SLC22A2: variants seen among roughly 807,000 people sequenced by gnomAD.
SLC22A2 encodes organic cation transporter 2.
Under a neutral mutation model 60.5 loss-of-function variants are expected in SLC22A2, and 46 were observed. That is an observed-to-expected ratio of 0.76 (90% CI 0.60 to 0.97). SLC22A2 has a LOEUF of 0.97. Ranked by LOEUF, SLC22A2 falls within the 50% of genes least tolerant of loss-of-function variation. SLC22A2 has a pLI of 0.00. For synonymous variants in SLC22A2, 303 were observed against 267.0 expected (o/e 1.13, Z -1.31); for missense variants, 701 against 706.6 (o/e 0.99, Z 0.09).
chr6:160,240,740 G>C (rs771069444), intron 9 of SLC22A2, among the ~76,000 whole-genome samples: 5 of 151,970 alleles, frequency 3.3e-5, no homozygotes, highest in Non-Finnish European at 7.4e-5. Flanking sequence ...CCCCTAAATT[G>C]AGTGCTATAT....
chr6:160,253,065 G>A (rs1298363272), intron 2 of SLC22A2, among the ~76,000 whole-genome samples: 1 of 152,168 alleles, frequency 6.6e-6, no homozygotes, highest in African/African-American at 2.4e-5. Context: ...CTTAGCCTGG[G>A]AGGGTTCTTG....
chr6:160,238,398 C>T (rs1782945802), intron 9 of SLC22A2, among the ~76,000 whole-genome samples: 1 of 152,226 alleles, frequency 6.6e-6, no homozygotes, highest in African/African-American at 2.4e-5. Flanking sequence ...GAAACACATT[C>T]AGCTGGCATC....
chr6:160,251,462 A>G (rs959363472), intron 2 of SLC22A2, among the ~76,000 whole-genome samples: 1 of 152,102 alleles, frequency 6.6e-6, no homozygotes, highest in African/African-American at 2.4e-5. Context: ...TGAAAAGAGG[A>G]TTAAGTGAGA....
intron 7 of SLC22A2, among the ~76,000 whole-genome samples, chr6:160,243,329 G>T (rs776961829): frequency 6.6e-6 from 1 of 151,986 alleles, no homozygotes; most frequent in Non-Finnish European, 1.5e-5. Flanking sequence ...CATCTTGATG[G>T]CCTGTAGCAT....
Position 160,249,320 on chromosome 6 carries a change from T to G in SLC22A2, c.738A>C (p.Thr246=), listed in dbSNP as rs982840660. The change falls in exon 4 of 11, where the codon ACA becomes ACC. Residue 246 remains threonine (T), a synonymous_variant. Coordinates refer to ENST00000366953, the MANE Select transcript of SLC22A2 (RefSeq NM_003058.4). ...TVGIFYQVAY[T]VGLLVLAGVA... is the part of the protein sequence containing the mutation. ...CCCCAGCTAGCACCAGGAGCCCAACTGTATAGGCAACTTGGTAAAAAATCC... is the reference window on the plus strand; with the variant it reads ...CCCCAGCTAGCACCAGGAGCCCAACGGTATAGGCAACTTGGTAAAAAATCC... 11 of 1,613,428 alleles carry G rather than the reference T, an allele frequency of 6.8e-6. No homozygotes were observed. The highest frequency in any genetic ancestry group is 9.3e-6 in the Non-Finnish European group (11 of 1,179,654).
intron 5 of SLC22A2, among the ~76,000 whole-genome samples, chr6:160,246,026 C>CA (rs1349909289): frequency 1.4e-5 from 2 of 139,146 alleles, no homozygotes; most frequent in Non-Finnish European, 3.3e-5. Context: ...CGCCACCATG[C>CA]CCAGCTAATT....
intron 2 of SLC22A2, among the ~76,000 whole-genome samples, chr6:160,252,885 G>A (rs1331686437): frequency 1.3e-5 from 2 of 152,232 alleles, no homozygotes; most frequent in Non-Finnish European, 2.9e-5. Context: ...AGGCTCTCGT[G>A]ATCCTAAATG....
rs765986378 is a variant in SLC22A2, at chr6:160,217,321, C to G, written c.*111G>C. On this transcript the variant is annotated 3_prime_UTR_variant, in exon 11 of 11. Coordinates refer to ENST00000366953, the MANE Select transcript of SLC22A2 (RefSeq NM_003058.4). Reference sequence around the variant, plus strand: ...GCTGTAGACCTAGGTTGATAGGGCTCAGGGGTAAGTTTGGTTGAGTTGTAT... The same window carrying G: ...GCTGTAGACCTAGGTTGATAGGGCTGAGGGGTAAGTTTGGTTGAGTTGTAT... 1 of 649,234 alleles carries G rather than the reference C, an allele frequency of 1.5e-6. No individual in the cohort carries two copies. Among genetic ancestry groups the G allele is most frequent in the Non-Finnish European group, 2.7e-6 (1 of 370,870 alleles). The allele number at this position is 649,234 out of a possible 1,614,324, so 40.2% of individuals were successfully genotyped here.
intron 8 of SLC22A2, 140 bp from the exon 9 acceptor site, chr6:160,241,726 C>G (rs570928889): frequency 1.7e-4 from 83 of 498,672 alleles, no homozygotes; most frequent in African/African-American, 1.5e-3. Flanking sequence ...GACGGGTGCA[C>G]CAAAATCTCA....
chr6:160,222,343 T>A (rs1490494597), intron 10 of SLC22A2, among the ~76,000 whole-genome samples: 1 of 152,172 alleles, frequency 6.6e-6, no homozygotes, highest in African/African-American at 2.4e-5. Flanking sequence ...CTTTGAGGCA[T>A]TAAGGCAATA....
intron 2 of SLC22A2, among the ~76,000 whole-genome samples, chr6:160,252,113 C>A (rs1562438657): frequency 2.0e-5 from 3 of 152,158 alleles, no homozygotes; most frequent in African/African-American, 7.2e-5. Context: ...CAGTCAATGG[C>A]TCCCTGCTGT....
At chr6:160,256,775 G>A in intron 1 of SLC22A2, 58 bp from the exon 2 acceptor site, 1 of 1,160,894 alleles carries the variant, frequency 8.6e-7, no homozygotes, top group South Asian at 1.2e-5. Context: ...AATCCTGTTA[G>A]AATCCTGTTG....
chr6:160,247,383 G>T, intron 4 of SLC22A2, 85 bp from the exon 5 acceptor site: 1 of 765,906 alleles, frequency 1.3e-6, no homozygotes, highest in Non-Finnish European at 2.3e-6. Context: ...ATTTCTCTGA[G>T]GATGTTAATA....
At chr6:160,227,334 G>C (rs573876519) in intron 9 of SLC22A2, among the ~76,000 whole-genome samples, 3 of 152,102 alleles carry the variant, frequency 2.0e-5, no homozygotes, top group Middle Eastern at 3.2e-3. Flanking sequence ...TATTGATTCC[G>C]GACCTTCAGA....
chr6:160,217,717 A>C (rs1484683977), intron 10 of SLC22A2, among the ~76,000 whole-genome samples: 3 of 152,136 alleles, frequency 2.0e-5, no homozygotes, highest in Non-Finnish European at 4.4e-5. Context: ...TATCTTGTTG[A>C]ATTGGTACTG....
At chr6:160,237,529 C>T (rs1456968416) in intron 9 of SLC22A2, among the ~76,000 whole-genome samples, 2 of 152,248 alleles carry the variant, frequency 1.3e-5, no homozygotes, top group Non-Finnish European at 2.9e-5. Flanking sequence ...CCTCTCTACC[C>T]TGAATACAAG....
intron 9 of SLC22A2, among the ~76,000 whole-genome samples, chr6:160,234,846 A>C (rs1562433543): frequency 6.6e-6 from 1 of 152,254 alleles, no homozygotes; most frequent in Non-Finnish European, 1.5e-5. Context: ...ATGGTGGCCC[A>C]GGGTTCAATC....
At chr6:160,217,630 G>T (rs1048701116) in intron 10 of SLC22A2, 132 bp from the exon 11 acceptor site, 3 of 594,830 alleles carry the variant, frequency 5.0e-6, no homozygotes, top group Non-Finnish European at 8.9e-6. Context: ...CTTGCAATGT[G>T]TTCTGAGTGG....
intron 9 of SLC22A2, among the ~76,000 whole-genome samples, chr6:160,225,095 T>C (rs1782702451): frequency 6.6e-6 from 1 of 152,110 alleles, no homozygotes; most frequent in Admixed American, 6.6e-5. Context: ...AGTTAGAAAA[T>C]AACTCTGCAA....
Sources: gnomAD v4.1 joint callset for allele counts (sites outside exome capture counted in the v4.1 genomes callset) on GRCh38, gnomAD v4.1.1 for gene constraint, MANE v1.5 for transcripts, NCBI Gene and HGNC (gene_info 2026-07-23, HGNC 2026-07-21) for gene names.